GRID1: variants seen among roughly 807,000 people sequenced by gnomAD.
GRID1 encodes the protein glutamate receptor ionotropic, delta-1.
A neutral mutation model predicts 98.0 loss-of-function variants in GRID1; 28 were observed. The observed-to-expected ratio is 0.29, with a 90% CI of 0.21 to 0.39. The LOEUF (loss-of-function observed/expected upper bound fraction) is 0.39. GRID1 is among the 10% of genes least tolerant of loss of function. The pLI is 1.00. For synonymous variants in GRID1, 553 were observed against 538.5 expected, an observed-to-expected ratio of 1.03 and a Z score of -0.37; for missense variants, 1,111 against 1,340.5, an observed-to-expected ratio of 0.83 and a Z score of 2.67.
intron 2 of GRID1, among the ~76,000 whole-genome samples, chr10:86,246,621 TC>T (rs1396624943): frequency 6.6e-6 from 1 of 152,128 alleles, no homozygotes; most frequent in Non-Finnish European, 1.5e-5. Flanking sequence ...TGCCTCCTTT[TC>T]CAGGTCCCTC....
chr10:85,604,997 A>C (rs1322278459), intron 15 of GRID1, among the ~76,000 whole-genome samples: 1 of 152,200 alleles, frequency 6.6e-6, no homozygotes, highest in Non-Finnish European at 1.5e-5. Context: ...AGTAAGACTG[A>C]AGCTGAATCC....
At position 86,349,453 on chromosome 10, in the gene GRID1, C is replaced by A. The variant is rs556694432; in HGVS notation, c.235+14488G>T. Reference sequence around the variant, plus strand: ...ACCTCAGGCATACAGAGGCATGGGGCCTCCAGAACTTTCCCACTCCAGCCA... The same window carrying A: ...ACCTCAGGCATACAGAGGCATGGGGACTCCAGAACTTTCCCACTCCAGCCA... On this transcript the variant is annotated intron_variant, in intron 2 of 15. Coordinates refer to ENST00000327946, the MANE Select transcript of GRID1 (RefSeq NM_017551.3). Among the ~76,000 whole-genome samples, 19 of 152,312 alleles carry A rather than the reference C, an allele frequency of 1.2e-4. No homozygotes were observed. The South Asian group carries it at 3.9e-3, about 32-fold the overall frequency.
chr10:85,927,820 T>C (rs889680901), intron 4 of GRID1, among the ~76,000 whole-genome samples: 4 of 152,190 alleles, frequency 2.6e-5, no homozygotes, highest in African/African-American at 9.7e-5. Context: ...GGATTCCAGA[T>C]AGGCCAGCCT....
At chr10:86,268,845 G>A (rs1847143582) in intron 2 of GRID1, among the ~76,000 whole-genome samples, 1 of 152,146 alleles carries the variant, frequency 6.6e-6, no homozygotes, top group Non-Finnish European at 1.5e-5. Flanking sequence ...ACAAAAATGA[G>A]CTGGGTGTGG....
intron 5 of GRID1, among the ~76,000 whole-genome samples, chr10:85,891,596 C>T (rs1841201086): frequency 6.6e-6 from 1 of 152,142 alleles, no homozygotes; most frequent in Non-Finnish European, 1.5e-5. Context: ...ACTAAACCCC[C>T]TGAATCCAGG....
At chr10:86,046,591 T>C (rs1294134522) in intron 4 of GRID1, among the ~76,000 whole-genome samples, 1 of 152,178 alleles carries the variant, frequency 6.6e-6, no homozygotes, top group Non-Finnish European at 1.5e-5. Flanking sequence ...CCAAAGTTTA[T>C]TGCCCCCCAT....
At chr10:86,318,513 T>A (rs1847928836) in intron 2 of GRID1, among the ~76,000 whole-genome samples, 1 of 152,158 alleles carries the variant, frequency 6.6e-6, no homozygotes, top group South Asian at 2.1e-4. Context: ...TGCAGCCCCC[T>A]CCTGCTATGA....
chr10:86,035,612 T>A (rs982625689), intron 4 of GRID1, among the ~76,000 whole-genome samples: 1 of 152,176 alleles, frequency 6.6e-6, no homozygotes, highest in African/African-American at 2.4e-5. Flanking sequence ...CCCCTCTCAA[T>A]GCAGGACTTT....
intron 4 of GRID1, among the ~76,000 whole-genome samples, chr10:86,041,029 T>C (rs1843338238): frequency 6.6e-6 from 1 of 152,164 alleles, no homozygotes; most frequent in South Asian, 2.1e-4. Flanking sequence ...TCTCCTCTCC[T>C]GCGCAGTTCC....
rs570263200 is a variant in GRID1 at position 86,180,818 on chromosome 10, A to T, written c.520+25546T>A. 7.9e-5 allele frequency among the ~76,000 whole-genome samples: 12 copies of T among 152,294 alleles called. 1 individual carries two copies. In the South Asian group the frequency reaches 2.5e-3, roughly 32 times the overall value. ...CCTCAGAGACTGTGACACAAATGGCAATAAGATCCCTGTAGCCCCCTCCTG... is the reference window on the plus strand; with the variant it reads ...CCTCAGAGACTGTGACACAAATGGCTATAAGATCCCTGTAGCCCCCTCCTG... On this transcript the variant is annotated intron_variant, in intron 3 of 15. Transcript: ENST00000327946.
At chr10:85,748,532 G>A (rs903024167) in intron 8 of GRID1, among the ~76,000 whole-genome samples, 3 of 152,052 alleles carry the variant, frequency 2.0e-5, no homozygotes, top group African/African-American at 7.2e-5. Context: ...GAATGAATTT[G>A]GGCAGACTTC....
At chr10:85,755,905 CAA>C (rs1842093388) in intron 8 of GRID1, among the ~76,000 whole-genome samples, 1 of 152,076 alleles carries the variant, frequency 6.6e-6, no homozygotes, top group African/African-American at 2.4e-5. Flanking sequence ...TCCCACAGGC[CAA>C]AGACATGTTG....
chr10:86,159,997 T>G (rs1845298806), intron 3 of GRID1, among the ~76,000 whole-genome samples: 1 of 151,956 alleles, frequency 6.6e-6, no homozygotes, highest in Non-Finnish European at 1.5e-5. Context: ...TCACCACCAC[T>G]ACTACCACCA....
At chr10:86,079,720 C>T (rs192868241) in intron 4 of GRID1, among the ~76,000 whole-genome samples, 3 of 152,282 alleles carry the variant, frequency 2.0e-5, no homozygotes, top group East Asian at 3.9e-4. Context: ...CTCCATCATG[C>T]GGCTATTTTC....
chr10:85,773,503 T>G (rs538865791), intron 8 of GRID1, among the ~76,000 whole-genome samples: 61 of 152,216 alleles, frequency 4.0e-4, no homozygotes, highest in African/African-American at 1.2e-3. Flanking sequence ...GAAATAAAGG[T>G]TATTCAATTA....
chr10:85,982,903 C>T (rs1842563009), intron 4 of GRID1, among the ~76,000 whole-genome samples: 1 of 152,184 alleles, frequency 6.6e-6, no homozygotes, highest in African/African-American at 2.4e-5. Context: ...AACTCAAGAA[C>T]CTCTTAAATC....
intron 12 of GRID1, among the ~76,000 whole-genome samples, chr10:85,677,157 C>T (rs1841153911): frequency 6.6e-6 from 1 of 152,184 alleles, no homozygotes; most frequent in Admixed American, 6.5e-5. Flanking sequence ...TAGTGTTAAG[C>T]CTGGAATCTA....
chr10:85,970,543 T>C (rs1406259154), intron 4 of GRID1, among the ~76,000 whole-genome samples: 2 of 152,000 alleles, frequency 1.3e-5, no homozygotes, highest in African/African-American at 4.8e-5. Flanking sequence ...TAATATGCCA[T>C]AGTTAACAGA....
intron 4 of GRID1, among the ~76,000 whole-genome samples, chr10:86,084,358 G>A (rs1259138997): frequency 6.6e-6 from 1 of 151,868 alleles, no homozygotes; most frequent in Non-Finnish European, 1.5e-5. Context: ...GAGAGGAAGG[G>A]AGAAAAAGAA....
Sources: allele counts gnomAD v4.1 joint callset (sites outside exome capture counted in the v4.1 genomes callset), GRCh38; gene constraint gnomAD v4.1.1; transcripts MANE v1.5; gene names NCBI Gene and HGNC (gene_info 2026-07-23, HGNC 2026-07-21).